The following RARB variants were observed in gnomAD, a reference collection of about 807,000 sequenced individuals.
RARB encodes the protein HBV-activated protein.
RARB carries 17 observed loss-of-function variants against 51.9 expected under a neutral mutation model. The ratio of observed to expected loss-of-function variants is 0.33; its 90% CI spans 0.22 to 0.49. The LOEUF (loss-of-function observed/expected upper bound fraction) is 0.49, where lower values mean the gene tolerates loss of function less well. Ranked by LOEUF, RARB falls within the 20% of genes least tolerant of loss-of-function variation. RARB has a pLI of 0.99. For missense variants in RARB, 369 were observed against 550.8 expected, an observed-to-expected ratio of 0.67 and a Z score of 3.30; for synonymous variants, 215 against 195.4, an observed-to-expected ratio of 1.10 and a Z score of -0.84.
intron 5 of RARB, among the ~76,000 whole-genome samples, chr3:25,362,772 C>G (rs1705987954): frequency 6.6e-6 from 1 of 152,166 alleles, no homozygotes; most frequent in Non-Finnish European, 1.5e-5. Context: ...GTGCCCCACC[C>G]TGCTTTGGCT....
Position 25,026,522 on chromosome 3 carries a change from T to C in RARB, c.-379-33603T>C, listed in dbSNP as rs144095595. ...CCTGGTGCCTCTTTGGGCATCCAAA[T>C]TTCCTATTCTTATAAGGACATCAGT... On this transcript the variant is annotated intron_variant, in intron 2 of 11. Transcript: ENST00000383772. Among the ~76,000 whole-genome samples, 442 of 152,292 alleles carry C rather than the reference T, an allele frequency of 2.9e-3. 3 individuals carry two copies. The highest frequency in any genetic ancestry group is 0.01 in the African/African-American group (425 of 41,554).
At chr3:24,939,923 CGT>C (rs1695624764) in intron 2 of RARB, among the ~76,000 whole-genome samples, 1 of 152,152 alleles carries the variant, frequency 6.6e-6, no homozygotes, top group Admixed American at 6.5e-5. Context: ...ACACAAATAA[CGT>C]GTTTTACCAT....
intron 3 of RARB, among the ~76,000 whole-genome samples, chr3:25,129,405 A>C (rs1001722600): frequency 6.6e-6 from 1 of 152,052 alleles, no homozygotes; most frequent in Non-Finnish European, 1.5e-5. Flanking sequence ...TCCTTTATTT[A>C]AAACAAAGTT....
At chr3:25,544,229 C>T (rs1699511631) in intron 3 of RARB, among the ~76,000 whole-genome samples, 1 of 151,794 alleles carries the variant, frequency 6.6e-6, no homozygotes, top group Non-Finnish European at 1.5e-5. Flanking sequence ...CATAGAAAAA[C>T]AATAAAATGA....
intron 2 of RARB, among the ~76,000 whole-genome samples, chr3:25,495,855 C>G (rs1388764757): frequency 6.6e-6 from 1 of 152,158 alleles, no homozygotes; most frequent in Non-Finnish European, 1.5e-5. Context: ...TAGGATTAAG[C>G]AACAGAATTC....
At chr3:24,990,974 C>T (rs1336353901) in intron 2 of RARB, among the ~76,000 whole-genome samples, 1 of 152,100 alleles carries the variant, frequency 6.6e-6, no homozygotes, top group Non-Finnish European at 1.5e-5. Flanking sequence ...GCTCTTGTTG[C>T]TATTGTGAAT....
At chr3:25,538,843 A>T (rs899390661) in intron 3 of RARB, among the ~76,000 whole-genome samples, 1 of 152,184 alleles carries the variant, frequency 6.6e-6, no homozygotes, top group African/African-American at 2.4e-5. Flanking sequence ...ATTGCATTTT[A>T]AGCCTTATTT....
At chr3:25,224,411 A>G (rs1455840404) in intron 5 of RARB, among the ~76,000 whole-genome samples, 2 of 152,188 alleles carry the variant, frequency 1.3e-5, no homozygotes, top group East Asian at 3.8e-4. Context: ...AGAGAAACAT[A>G]CAAATAAAGA....
chr3:24,888,455 G>A (rs1703306147), intron 2 of RARB, among the ~76,000 whole-genome samples: 1 of 151,802 alleles, frequency 6.6e-6, no homozygotes, highest in South Asian at 2.1e-4. Flanking sequence ...TAGGGTACAT[G>A]TGCACAACTG....
rs899349488 is a variant in RARB, at chr3:25,501,849, A to G, written c.448+526A>G. ...TTCTCCAAGCCATCTTTTCCAAACAATAATGCACTTTATTAGTGCAAAAGA... is the reference window on the plus strand; with the variant it reads ...TTCTCCAAGCCATCTTTTCCAAACAGTAATGCACTTTATTAGTGCAAAAGA... On this transcript the variant is annotated intron_variant, in intron 3 of 7. Coordinates refer to ENST00000330688, the MANE Select transcript of RARB (RefSeq NM_000965.5). 4.6e-5 allele frequency among the ~76,000 whole-genome samples: 7 copies of G among 152,356 alleles called. No homozygotes were observed. In the East Asian group the frequency reaches 7.7e-4, roughly 17 times the overall value.
At chr3:25,339,511 C>T (rs973167302) in intron 5 of RARB, among the ~76,000 whole-genome samples, 1 of 152,024 alleles carries the variant, frequency 6.6e-6, no homozygotes, top group African/African-American at 2.4e-5. Flanking sequence ...TCTACTCTGA[C>T]TCAGGAGGCT....
At chr3:24,981,365 C>T (rs1696667906) in intron 2 of RARB, among the ~76,000 whole-genome samples, 1 of 152,134 alleles carries the variant, frequency 6.6e-6, no homozygotes, top group Non-Finnish European at 1.5e-5. Context: ...TTAGTTATGC[C>T]CTGACCCCAG....
upstream of RARB, among the ~76,000 whole-genome samples, chr3:25,423,970 G>A (rs897918087): frequency 3.9e-5 from 6 of 152,246 alleles, no homozygotes; most frequent in South Asian, 2.1e-4. Flanking sequence ...AGTCATCGAC[G>A]GCAGAAAGCA....
intron 3 of RARB, among the ~76,000 whole-genome samples, chr3:25,559,923 A>G (rs183766864): frequency 6.9e-4 from 105 of 152,324 alleles, no homozygotes; most frequent in African/African-American, 2.4e-3. Flanking sequence ...TAAACAGGCA[A>G]TTCTTTCTTG....
intron 2 of RARB, among the ~76,000 whole-genome samples, chr3:24,882,419 G>A (rs966185831): frequency 1.3e-5 from 2 of 152,194 alleles, no homozygotes; most frequent in African/African-American, 2.4e-5. Context: ...ATCTAGAGAT[G>A]ATTTGAAGTA....
chr3:25,034,745 A>G, intron 2 of RARB, among the ~76,000 whole-genome samples: 1 of 152,350 alleles, frequency 6.6e-6, no homozygotes. Context: ...TTTGGCTCAC[A>G]GAACGAATGA....
chr3:25,511,028 CT>C (rs1488540068), intron 3 of RARB, among the ~76,000 whole-genome samples: 1 of 152,226 alleles, frequency 6.6e-6, no homozygotes, highest in East Asian at 1.9e-4. Context: ...CTCAACTCTA[CT>C]ATTGCAGCTT....
At chr3:25,205,039 C>T (rs1330901778) in intron 5 of RARB, among the ~76,000 whole-genome samples, 1 of 152,172 alleles carries the variant, frequency 6.6e-6, no homozygotes, top group African/African-American at 2.4e-5. Flanking sequence ...TCTACAGAGG[C>T]AGGCAGACCT....
chr3:25,262,883 A>G (rs998078829), intron 5 of RARB, among the ~76,000 whole-genome samples: 3 of 152,168 alleles, frequency 2.0e-5, no homozygotes, highest in African/African-American at 7.2e-5. Flanking sequence ...GCTTACCTCT[A>G]TCATTCCACA....
Sources: gnomAD v4.1 joint callset for allele counts (sites outside exome capture counted in the v4.1 genomes callset) on GRCh38, gnomAD v4.1.1 for gene constraint, MANE v1.5 for transcripts, NCBI Gene and HGNC (gene_info 2026-07-23, HGNC 2026-07-21) for gene names.